The following GRID2 variants were observed in gnomAD, a reference collection of about 807,000 sequenced individuals.
GRID2 encodes glutamate receptor ionotropic, delta-2.
In GRID2, 33 loss-of-function variants were observed where a neutral mutation model predicts 114.8. The ratio of observed to expected loss-of-function variants is 0.29; its 90% CI spans 0.22 to 0.38. GRID2 has a LOEUF of 0.38. GRID2 is among the 10% of genes least tolerant of loss of function. GRID2 has a pLI of 1.00. For synonymous variants in GRID2, 505 were observed against 449.9 expected (o/e 1.12, Z -1.55); for missense variants, 1,184 against 1,257.7 (o/e 0.94, Z 0.89).
At chr4:93,417,256 A>G (rs1767811196) in intron 9 of GRID2, among the ~76,000 whole-genome samples, 1 of 152,050 alleles carries the variant, frequency 6.6e-6, no homozygotes, top group Admixed American at 6.6e-5. Flanking sequence ...CCTCTCTTGT[A>G]ATAATCCATT....
Position 92,569,220 on chromosome 4 carries a change from G to A in GRID2, c.89-20911G>A, listed in dbSNP as rs896069023. The stretch of plus-strand genomic sequence containing the variant: ...TCCCACGTATAAGTGAGAAAAGGTG[G>A]CACTTGGTTCTCTGTTCCTGAATTA... On this transcript the variant is annotated intron_variant, in intron 1 of 15. Coordinates refer to ENST00000282020, the MANE Select transcript of GRID2 (RefSeq NM_001510.4). 2.6e-5 allele frequency among the ~76,000 whole-genome samples: 4 copies of A among 151,742 alleles called. No homozygotes were observed. The East Asian group carries it at 7.8e-4, about 30-fold the overall frequency.
chr4:93,748,668 G>C (rs72875943), intron 14 of GRID2, among the ~76,000 whole-genome samples: 7,064 of 149,596 alleles, frequency 0.047, 544 homozygotes, highest in African/African-American at 0.16. Context: ...ATGCCCTATG[G>C]ATCTTTTTTC....
chr4:93,628,070 A>G (rs964638138), intron 14 of GRID2, among the ~76,000 whole-genome samples: 1 of 152,172 alleles, frequency 6.6e-6, no homozygotes, highest in Non-Finnish European at 1.5e-5. Flanking sequence ...GCTACTTGGG[A>G]GGCTGAGGCA....
At chr4:93,379,922 T>G (rs867736972) in intron 8 of GRID2, among the ~76,000 whole-genome samples, 3 of 152,036 alleles carry the variant, frequency 2.0e-5, no homozygotes, top group Non-Finnish European at 4.4e-5. Context: ...AACTACCCAT[T>G]TCCCCAAATA....
At chr4:93,504,225 G>A (rs1728412553) in intron 12 of GRID2, among the ~76,000 whole-genome samples, 1 of 151,956 alleles carries the variant, frequency 6.6e-6, no homozygotes, top group African/African-American at 2.4e-5. Context: ...AATTCACACT[G>A]TATTTCATTT....
intron 1 of GRID2, among the ~76,000 whole-genome samples, chr4:92,550,673 T>A (rs1726540647): frequency 6.6e-6 from 1 of 152,132 alleles, no homozygotes; most frequent in Non-Finnish European, 1.5e-5. Flanking sequence ...CTTCACAGTT[T>A]CAGGGTACTT....
chr4:93,207,237 C>A (rs186998881), intron 4 of GRID2, among the ~76,000 whole-genome samples, 167 bp from the exon 5 acceptor site: 9 of 152,170 alleles, frequency 5.9e-5, no homozygotes, highest in Admixed American at 2.6e-4. Context: ...ATGTCAAATG[C>A]AAATGCATCT....
intron 13 of GRID2, among the ~76,000 whole-genome samples, chr4:93,590,132 C>T (rs1209956571): frequency 1.3e-5 from 2 of 150,166 alleles, no homozygotes; most frequent in Non-Finnish European, 3.0e-5. Context: ...CTTGCCCATG[C>T]CTATGTCCTG....
At chr4:92,502,402 T>C (rs1335848846) in intron 1 of GRID2, among the ~76,000 whole-genome samples, 1 of 152,084 alleles carries the variant, frequency 6.6e-6, no homozygotes, top group East Asian at 1.9e-4. Flanking sequence ...TCGGTAATGT[T>C]GTTGCCACAT....
At chr4:93,095,361 T>C (rs1180454808) in intron 3 of GRID2, among the ~76,000 whole-genome samples, 5 of 151,946 alleles carry the variant, frequency 3.3e-5, no homozygotes, top group Admixed American at 2.0e-4. Context: ...AGCAAGACCA[T>C]TTTTAAAAAA....
chr4:93,796,485 T>C (rs1016251047), intron 1 of GRID2, among the ~76,000 whole-genome samples: 4 of 152,120 alleles, frequency 2.6e-5, no homozygotes, highest in African/African-American at 9.7e-5. Context: ...CAGTAATACT[T>C]GATCTGAGAT....
At chr4:93,398,133 G>GTA (rs1553923238) in intron 9 of GRID2, among the ~76,000 whole-genome samples, 1,738 of 122,254 alleles carry the variant, frequency 0.014, 65 homozygotes, top group African/African-American at 0.027. Context: ...ATGTGTGTGT[G>GTA]TATATATATA....
chr4:93,421,024 A>T (rs944303471), intron 9 of GRID2, among the ~76,000 whole-genome samples: 5 of 152,082 alleles, frequency 3.3e-5, no homozygotes, highest in Non-Finnish European at 7.4e-5. Context: ...AAGTGCTGGG[A>T]TATTTCTTTC....
intron 2 of GRID2, among the ~76,000 whole-genome samples, chr4:92,633,426 A>T (rs1408242381): frequency 6.6e-6 from 1 of 152,180 alleles, no homozygotes; most frequent in African/African-American, 2.4e-5. Flanking sequence ...AAAGAGCCAG[A>T]TGGAGAGGTT....
chr4:93,594,795 G>A (rs1192235080), intron 13 of GRID2, among the ~76,000 whole-genome samples: 7 of 151,662 alleles, frequency 4.6e-5, no homozygotes, highest in South Asian at 4.2e-4. Flanking sequence ...CGCAGTATTC[G>A]GGTGGGAGTG....
intron 1 of GRID2, among the ~76,000 whole-genome samples, chr4:92,546,112 T>C (rs754940490): frequency 3.9e-5 from 6 of 152,160 alleles, no homozygotes; most frequent in African/African-American, 7.2e-5. Flanking sequence ...CCTCTTTATT[T>C]ATCTGGCACA....
chr4:92,385,735 T>A (rs1729916432), intron 1 of GRID2, among the ~76,000 whole-genome samples: 1 of 151,578 alleles, frequency 6.6e-6, no homozygotes, highest in Non-Finnish European at 1.5e-5. Context: ...AACATTTGTG[T>A]CCTACTTTTG....
At chr4:92,565,798 T>A (rs1308967317) in intron 1 of GRID2, among the ~76,000 whole-genome samples, 1 of 152,058 alleles carries the variant, frequency 6.6e-6, no homozygotes, top group Non-Finnish European at 1.5e-5. Context: ...AATTTATTAC[T>A]GTTCATAGTT....
At chr4:93,581,299 T>G (rs1199907885) in intron 13 of GRID2, among the ~76,000 whole-genome samples, 1 of 152,138 alleles carries the variant, frequency 6.6e-6, no homozygotes, top group Non-Finnish European at 1.5e-5. Context: ...GAAATGGGGC[T>G]TATTATAAAT....
Sources: allele counts gnomAD v4.1 joint callset (sites outside exome capture counted in the v4.1 genomes callset), GRCh38; gene constraint gnomAD v4.1.1; transcripts MANE v1.5; gene names NCBI Gene and HGNC (gene_info 2026-07-23, HGNC 2026-07-21).